The following FLNC variants were observed in gnomAD, a reference collection of about 807,000 sequenced individuals.
FLNC encodes the protein filamin C.
In FLNC, 91 loss-of-function variants were observed where a neutral mutation model predicts 254.3. The observed-to-expected ratio is 0.36, with a 90% CI of 0.30 to 0.43. FLNC has a LOEUF of 0.43. Among genes scored for constraint, FLNC ranks in the 20% least tolerant of loss-of-function variants. The pLI is 1.00. For synonymous variants in FLNC, 1,430 were observed against 1,577.2 expected, an observed-to-expected ratio of 0.91 and a Z score of 2.21; for missense variants, 2,853 against 3,802.6, an observed-to-expected ratio of 0.75 and a Z score of 6.57.
In FLNC at chr7:128,837,698, C is replaced by T. The variant is rs201239973; in HGVS notation, c.912C>T (p.Asp304=). The part of the protein sequence containing the change: ...QPAHFTVQTV[D]AGVGEVLVYI... ...CCCACTTCACCGTGCAGACGGTGGACGCGGGCGTGGGCGAGGTGCTGGTCT... is the reference window on the plus strand; with the variant it reads ...CCCACTTCACCGTGCAGACGGTGGATGCGGGCGTGGGCGAGGTGCTGGTCT... Residue 304 remains aspartate (D), a synonymous_variant, in exon 5 of 48, where the codon GAC becomes GAT. Coordinates refer to ENST00000325888, the MANE Select transcript of FLNC (RefSeq NM_001458.5). The T allele has an allele frequency of 7.0e-5, 113 of 1,610,322 alleles. No homozygotes were observed. In the Admixed American group the frequency reaches 7.2e-4, roughly 10 times the overall value.
chr7:128,846,172 C>T lies in FLNC; in HGVS notation c.3964+9C>T, dbSNP rs200448727. 520 of 1,569,516 alleles carry T rather than the reference C, an allele frequency of 3.3e-4. 3 individuals carry two copies. The East Asian group carries it at 0.011, about 33-fold the overall frequency. On this transcript the variant is annotated intron_variant, in intron 22 of 47. Coordinates refer to ENST00000325888, the MANE Select transcript of FLNC (RefSeq NM_001458.5). ...CACCGCCTACGAGGAGGGTGAGGGCCGGTGGGCCAGGCTAGTGGGCAGGGC... is the reference window on the plus strand; with the variant it reads ...CACCGCCTACGAGGAGGGTGAGGGCTGGTGGGCCAGGCTAGTGGGCAGGGC...
Position 128,853,011 on chromosome 7 carries a change from T to C in FLNC, c.6188T>C (p.Ile2063Thr), listed in dbSNP as rs1233340289. 2 of 1,613,142 alleles carry C rather than the reference T, an allele frequency of 1.2e-6. No homozygotes were observed. The highest frequency in any genetic ancestry group is 1.7e-6 in the Non-Finnish European group (2 of 1,179,996). Residue 2063 changes from isoleucine (I) to threonine (T), a missense_variant, in exon 37 of 48, where the codon ATC (isoleucine) becomes ACC (threonine). Ile to Thr is a moderately conservative substitution (Grantham distance 89). This residue lies in a region of FLNC where 551 missense variants were observed against 835.0 expected (regional missense o/e 0.66). Coordinates refer to ENST00000325888, the MANE Select transcript of FLNC (RefSeq NM_001458.5). ...EGHTFQVAEF[I>T]VDTRNAGYGG... ...CACACATTCCAGGTGGCAGAGTTCA[T>C]CGTGGACACTCGCAATGCAGGTACC... is the stretch of plus-strand genomic sequence containing the variant.
At chr7:128,854,712 G>A (rs376467493) in intron 41 of FLNC, 30 bp downstream of exon 41, 3 of 1,612,702 alleles carry the variant, frequency 1.9e-6, no homozygotes, top group Non-Finnish European at 2.5e-6. Flanking sequence ...GAGTGGGGAT[G>A]AAGTCAGGGC....
chr7:128,852,551 C>T (rs1342223640), intron 35 of FLNC, 40 bp from the exon 36 acceptor site: 1 of 1,611,916 alleles, frequency 6.2e-7, no homozygotes, highest in African/African-American at 1.3e-5. Context: ...CAGGGCCTGC[C>T]TGGAGTCATA....
chr7:128,849,329 A>T lies in FLNC; in HGVS notation c.4952-2A>T, dbSNP rs774945928. 5 of 1,614,104 alleles carry T rather than the reference A, an allele frequency of 3.1e-6. No individual in the cohort carries two copies. The highest frequency in any genetic ancestry group is 3.4e-6 in the Non-Finnish European group (4 of 1,180,030). ...CCCTGAGCAGGATCTCCCGCATGGCAGGTGCCTGCCTGGGCCCTCGAATCC... is the reference window on the plus strand; with the variant it reads ...CCCTGAGCAGGATCTCCCGCATGGCTGGTGCCTGCCTGGGCCCTCGAATCC... On this transcript the variant is annotated splice_acceptor_variant, in intron 29 of 47. Coordinates refer to ENST00000325888, the MANE Select transcript of FLNC (RefSeq NM_001458.5). LOFTEE classifies it high-confidence loss of function.
intron 20 of FLNC, 112 bp from the exon 21 acceptor site, chr7:128,844,546 C>T: frequency 9.3e-7 from 1 of 1,070,284 alleles, no homozygotes; most frequent in South Asian, 1.3e-5. Context: ...TTGTTATAAG[C>T]ACTCAGTCCA....
chr7:128,837,945 A>G (rs759275049), intron 5 of FLNC, 42 bp from the exon 6 acceptor site: 7 of 1,565,922 alleles, frequency 4.5e-6, no homozygotes, highest in Middle Eastern at 3.4e-4. Flanking sequence ...AGGAGGGGCT[A>G]TGGTCATTGG....
Position 128,841,618 on chromosome 7 carries a change from T to C in FLNC, c.2121+51T>C. The C allele has an allele frequency of 6.9e-7, 1 of 1,446,940 alleles. No individual in the cohort carries two copies. The highest frequency in any genetic ancestry group is 9.7e-7 in the Non-Finnish European group (1 of 1,027,638). 89.6% of individuals were successfully genotyped at this position (1,446,940 alleles called of 1,614,324 possible). A position where few individuals can be genotyped will look rare whatever the true frequency, so the allele number is the denominator to read the frequency against. On this transcript the variant is annotated intron_variant, in intron 13 of 47. Coordinates refer to ENST00000325888, the MANE Select transcript of FLNC (RefSeq NM_001458.5). This position sits in a 1 kb window ranked among gnomAD's most constrained non-coding sequence, Gnocchi z 4.3. The stretch of plus-strand genomic sequence containing the variant: ...CCCTTACTACCCATGGCAGGGACCC[T>C]GGAAGGCAGGGCCAGGCCAGAGGCA...
At chr7:128,854,949 T>C (rs764824325) in intron 42 of FLNC, 37 bp downstream of exon 42, 7 of 1,610,666 alleles carry the variant, frequency 4.3e-6, no homozygotes, top group Non-Finnish European at 5.9e-6. Flanking sequence ...TGGGCCTGCC[T>C]GACCTTCCAG....
intron 19 of FLNC, 32 bp downstream of exon 19, chr7:128,843,945 G>A: frequency 6.2e-7 from 1 of 1,614,006 alleles, no homozygotes; most frequent in Non-Finnish European, 8.5e-7. Flanking sequence ...CTGGGAGTGA[G>A]GGGTATTCGG....
At chr7:128,851,150 G>A (rs552565612) in intron 33 of FLNC, 82 bp from the exon 34 acceptor site, 1 of 1,604,312 alleles carries the variant, frequency 6.2e-7, no homozygotes, top group Admixed American at 1.7e-5. Flanking sequence ...TTGGCAGGGA[G>A]GCTGCTGGAA....
At position 128,841,404 on chromosome 7, in the gene FLNC, C is replaced by G; in HGVS notation, c.2007+41C>G. On this transcript the variant is annotated intron_variant, in intron 12 of 47. Transcript: ENST00000325888. This position sits in a 1 kb window ranked among gnomAD's most constrained non-coding sequence, Gnocchi z 4.3. ...ACACACACCTGCCCCGGGGGTGGGG[C>G]AAGCTGGTTCTCCTCCCCTCCCCAA... is the stretch of plus-strand genomic sequence containing the variant. The G allele has an allele frequency of 1.2e-6, 2 of 1,612,600 alleles. No homozygotes were observed. The highest frequency in any genetic ancestry group is 1.7e-6 in the Non-Finnish European group (2 of 1,178,664).
In FLNC at chr7:128,836,634, G is replaced by C. The variant is rs983771496; in HGVS notation, c.602-526G>C. Among the ~76,000 whole-genome samples, 2 of 152,190 alleles carry C rather than the reference G, an allele frequency of 1.3e-5. No homozygotes were observed. The highest frequency in any genetic ancestry group is 4.8e-5 in the African/African-American group (2 of 41,434). ...ATTCTCTCCTCACAGGCCCTTTAAT[G>C]CCTCAGTTTCCCCAAGTGAGCAGTT... On this transcript the variant is annotated intron_variant, in intron 2 of 47. Coordinates refer to ENST00000325888, the MANE Select transcript of FLNC (RefSeq NM_001458.5). This position sits in a 1 kb window ranked among gnomAD's most constrained non-coding sequence, Gnocchi z 6.0.
chr7:128,830,785 C>T lies in FLNC; in HGVS notation c.148C>T (p.Leu50Phe), dbSNP rs2128932147. 1 of 1,613,126 alleles carries T rather than the reference C, an allele frequency of 6.2e-7. No individual in the cohort carries two copies. The highest frequency in any genetic ancestry group is 8.5e-7 in the Non-Finnish European group (1 of 1,179,932). ...NTFTRWCNEH[L>F]KCVGKRLTDL... is the part of the protein sequence containing the mutation. ...ATTCACGCGCTGGTGCAATGAGCAC[C>T]TCAAGTGCGTGGGCAAGCGCCTGAC... is the stretch of plus-strand genomic sequence containing the variant. The change falls in exon 1 of 48, where the codon CTC (leucine) becomes TTC (phenylalanine). Residue 50 changes from leucine (L) to phenylalanine (F), a missense_variant. This residue lies in a region of FLNC where 13 missense variants were observed against 37.8 expected (regional missense o/e 0.34). Transcript: ENST00000325888.
intron 24 of FLNC, 94 bp downstream of exon 24, chr7:128,846,999 G>C: frequency 6.6e-7 from 1 of 1,508,498 alleles, no homozygotes; most frequent in Non-Finnish European, 9.2e-7. Flanking sequence ...AGTTGGGTAA[G>C]AATGTTCATA....
chr7:128,838,475 T>C (rs762402939), intron 7 of FLNC, 46 bp downstream of exon 7: 83 of 1,143,262 alleles, frequency 7.3e-5, no homozygotes, highest in Non-Finnish European at 8.9e-5. Context: ...CCTGACCATG[T>C]GGGGCTGTGT....
chr7:128,832,845 C>T (rs762598196), intron 1 of FLNC, among the ~76,000 whole-genome samples: 5 of 152,198 alleles, frequency 3.3e-5, no homozygotes, highest in Non-Finnish European at 7.4e-5. Flanking sequence ...TGGGGCGCCC[C>T]ACCATGAGGA....
intron 1 of FLNC, among the ~76,000 whole-genome samples, chr7:128,833,782 T>C (rs1157336975): frequency 2.6e-5 from 4 of 152,092 alleles, no homozygotes; most frequent in Non-Finnish European, 5.9e-5. Flanking sequence ...CCTGTGTGTT[T>C]GAGAGAAAGC....
chr7:128,858,213 A>T lies in FLNC; in HGVS notation c.7986A>T (p.Lys2662Asn). The T allele has an allele frequency of 6.8e-7, 1 of 1,466,808 alleles. No homozygotes were observed. Among genetic ancestry groups the T allele is most frequent in the Non-Finnish European group, 9.5e-7 (1 of 1,047,120 alleles). The allele number at this position is 1,466,808 out of a possible 1,614,324, so 90.9% of individuals were successfully genotyped here. ...QKNSFTVDCS[K>N]AGTNMMMVGV... ...ACTCCTTCACCGTGGACTGCAGCAA[A>T]GCAGGCAGGTGGCGGGGGGAGGGCG... Residue 2662 changes from lysine (K) to asparagine (N), a missense_variant, in exon 47 of 48, where the codon AAA (lysine) becomes AAT (asparagine). By Grantham distance (94) the Lys-to-Asn change is moderately conservative (BLOSUM62 0). This residue lies in a region of FLNC where 197 missense variants were observed against 351.5 expected (regional missense o/e 0.56). Transcript: ENST00000325888. This position sits in a 1 kb window ranked among gnomAD's most constrained non-coding sequence, Gnocchi z 6.7.
Sources: allele counts gnomAD v4.1 joint callset (sites outside exome capture counted in the v4.1 genomes callset), GRCh38; gene constraint gnomAD v4.1.1; regional missense constraint gnomAD v4.1.1; non-coding constraint Gnocchi (gnomAD v3.1); transcripts MANE v1.5; gene names NCBI Gene and HGNC (gene_info 2026-07-23, HGNC 2026-07-21).